The following PCDH11X variants were observed in gnomAD, a reference collection of about 807,000 sequenced individuals.
PCDH11X encodes the protein protocadherin-11 X-linked.
A neutral mutation model predicts 53.3 loss-of-function variants in PCDH11X; 18 were observed. The observed-to-expected ratio is 0.34, with a 90% CI of 0.23 to 0.50. The LOEUF (loss-of-function observed/expected upper bound fraction) is 0.50, where lower values mean the gene tolerates loss of function less well. Ranked by LOEUF, PCDH11X falls within the 20% of genes least tolerant of loss-of-function variation. The pLI is 0.98. For synonymous variants in PCDH11X, 279 were observed against 393.3 expected, an observed-to-expected ratio of 0.71 and a Z score of 3.44; for missense variants, 570 against 1,032.4, an observed-to-expected ratio of 0.55 and a Z score of 6.14.
chrX:91,969,785 G>A (rs1270059043), intron 6 of PCDH11X, among the ~76,000 whole-genome samples: 6 of 91,161 alleles, frequency 6.6e-5, no homozygotes, highest in Non-Finnish European at 1.3e-4. Context: ...TGACTGAGTC[G>A]CCCTTGTCTC....
intron 7 of PCDH11X, among the ~76,000 whole-genome samples, chrX:92,228,425 A>G (rs1338836213): frequency 9.0e-6 from 1 of 111,611 alleles, no homozygotes; most frequent in Non-Finnish European, 1.9e-5. Flanking sequence ...ATTTTTCAGT[A>G]AGAATTCTAC....
chrX:92,132,691 A>G (rs866190337), intron 6 of PCDH11X, among the ~76,000 whole-genome samples: 14 of 90,638 alleles, frequency 1.5e-4, no homozygotes, highest in South Asian at 1.4e-3. Context: ...ATATATGTAT[A>G]TATATATATA....
chrX:92,334,593 T>G (rs1184292884), intron 8 of PCDH11X, among the ~76,000 whole-genome samples: 1 of 111,472 alleles, frequency 9.0e-6, no homozygotes, highest in Non-Finnish European at 1.9e-5. Context: ...CCAGTCGTCA[T>G]GCTGGAAGTA....
intron 6 of PCDH11X, among the ~76,000 whole-genome samples, chrX:92,104,418 T>G (rs1396996251): frequency 5.4e-5 from 6 of 110,309 alleles, no homozygotes; most frequent in Non-Finnish European, 1.1e-4. Flanking sequence ...GCACAGAGAC[T>G]AGGAGGGGAC....
In PCDH11X at chrX:91,954,932, T is replaced by G. The variant is rs183037810; in HGVS notation, c.3033+75659T>G. 3.7e-5 allele frequency among the ~76,000 whole-genome samples: 4 copies of G among 108,805 alleles called. No homozygotes were observed. The East Asian group carries it at 1.2e-3, about 31-fold the overall frequency. The allele number at this position is 108,805 out of a possible 115,157, so 94.5% of individuals were successfully genotyped here. Reference sequence around the variant, plus strand: ...GGTTGTCTCTGTTGATAGTTTCTTTTGCTGTGCAGAAGCTCTTTCATTTAA... The same window carrying G: ...GGTTGTCTCTGTTGATAGTTTCTTTGGCTGTGCAGAAGCTCTTTCATTTAA... On this transcript the variant is annotated intron_variant, in intron 6 of 10. Transcript: ENST00000682573.
chrX:92,306,694 C>A (rs1310395744), intron 8 of PCDH11X, among the ~76,000 whole-genome samples: 4 of 110,024 alleles, frequency 3.6e-5, no homozygotes, highest in Non-Finnish European at 7.6e-5. Flanking sequence ...GTAATCCCAG[C>A]ACTTTGGGAG....
At chrX:92,133,577 G>A (rs2065031469) in intron 6 of PCDH11X, among the ~76,000 whole-genome samples, 1 of 111,798 alleles carries the variant, frequency 8.9e-6, no homozygotes. Context: ...TGTTGGTCAG[G>A]TTGGTCTTGA....
intron 6 of PCDH11X, among the ~76,000 whole-genome samples, chrX:92,122,026 C>T (rs762280394): frequency 7.0e-5 from 7 of 100,651 alleles, no homozygotes; most frequent in Middle Eastern, 5.1e-3. Context: ...CTCTTGTTGC[C>T]GAGGCTGGAG....
At chrX:92,296,314 A>G (rs1476270693) in intron 8 of PCDH11X, among the ~76,000 whole-genome samples, 1 of 110,521 alleles carries the variant, frequency 9.0e-6, no homozygotes, top group East Asian at 2.9e-4. Flanking sequence ...TGCATGTGAC[A>G]GGAGTTAAAT....
At chrX:92,579,664 G>A (rs1280473437) in intron 10 of PCDH11X, among the ~76,000 whole-genome samples, 4 of 111,081 alleles carry the variant, frequency 3.6e-5, no homozygotes, top group Non-Finnish European at 7.5e-5. Flanking sequence ...GTGGTTCTTA[G>A]CTTCTTTGCA....
chrX:91,927,458 T>G (rs772101378), intron 6 of PCDH11X, among the ~76,000 whole-genome samples: 8 of 110,287 alleles, frequency 7.3e-5, no homozygotes, highest in African/African-American at 2.3e-4. Flanking sequence ...TCAGAACTAG[T>G]GAATGGTAAG....
At chrX:92,118,612 C>G (rs996822511) in intron 6 of PCDH11X, among the ~76,000 whole-genome samples, 1 of 109,857 alleles carries the variant, frequency 9.1e-6, no homozygotes, top group African/African-American at 3.3e-5. Flanking sequence ...AGTATAAACA[C>G]GTATCTTTTA....
chrX:92,390,621 AG>A (rs1353979935), intron 9 of PCDH11X, among the ~76,000 whole-genome samples: 2 of 100,036 alleles, frequency 2.0e-5, no homozygotes, highest in East Asian at 6.4e-4. Flanking sequence ...AAAGTGTCAG[AG>A]GAAATAAATG....
At chrX:91,780,893 T>A (rs920213393) in intron 1 of PCDH11X, among the ~76,000 whole-genome samples, 4 of 112,506 alleles carry the variant, frequency 3.6e-5, no homozygotes, top group African/African-American at 1.3e-4. Context: ...AGCCGCTTCC[T>A]TGCCTCTCCC....
chrX:92,266,530 A>T, intron 8 of PCDH11X, among the ~76,000 whole-genome samples: 1 of 111,720 alleles, frequency 9.0e-6, no homozygotes, highest in Middle Eastern at 4.6e-3. Context: ...AGTTACAAAG[A>T]TAGACACTTT....
intron 8 of PCDH11X, among the ~76,000 whole-genome samples, chrX:92,310,318 T>C (rs1390978288): frequency 8.9e-6 from 1 of 112,655 alleles, no homozygotes; most frequent in East Asian, 2.8e-4. Flanking sequence ...CATTCTAAAA[T>C]CTTTTTCTTT....
At chrX:92,401,501 C>T (rs1267611173) in intron 9 of PCDH11X, among the ~76,000 whole-genome samples, 1 of 111,287 alleles carries the variant, frequency 9.0e-6, no homozygotes, top group Non-Finnish European at 1.9e-5. Flanking sequence ...ATTTTCTTTA[C>T]AATGGCTGTA....
intron 6 of PCDH11X, among the ~76,000 whole-genome samples, chrX:91,952,730 A>T (rs4022265): frequency 0.1 from 11,244 of 111,433 alleles, 634 homozygotes; most frequent in African/African-American, 0.2. Context: ...CGAAGAGATA[A>T]CTGTACTCCT....
chrX:92,279,963 T>A (rs1483947992), intron 8 of PCDH11X, among the ~76,000 whole-genome samples: 3 of 112,308 alleles, frequency 2.7e-5, no homozygotes, highest in Non-Finnish European at 5.6e-5. Context: ...GATTATAATA[T>A]TGTATTTTTA....
Sources: gnomAD v4.1 joint callset for allele counts (sites outside exome capture counted in the v4.1 genomes callset) on GRCh38, gnomAD v4.1.1 for gene constraint, MANE v1.5 for transcripts, NCBI Gene and HGNC (gene_info 2026-07-23, HGNC 2026-07-21) for gene names.